The following CRYZ variants were observed in gnomAD, a reference collection of about 807,000 sequenced individuals.
The protein encoded by CRYZ is crystallin zeta.
Under a neutral mutation model 34.1 loss-of-function variants are expected in CRYZ, and 35 were observed. That is an observed-to-expected ratio of 1.03 (90% confidence interval 0.78 to 1.36). The LOEUF is 1.36. Ranked by LOEUF, CRYZ falls within the 40% of genes most tolerant of loss-of-function variation. The probability of loss-of-function intolerance (pLI) is 0.00; values close to 1 mark genes in which losing one functional copy is unlikely to be tolerated. For missense variants in CRYZ, 403 were observed against 391.8 expected (o/e 1.03, Z -0.24); for synonymous variants, 137 against 136.5 (o/e 1.00, Z -0.03).
At chr1:74,720,661 C>A (rs1647147595) in intron 3 of CRYZ, among the ~76,000 whole-genome samples, 1 of 152,094 alleles carries the variant, frequency 6.6e-6, no homozygotes, top group South Asian at 2.1e-4. Flanking sequence ...ATCCAAGAGT[C>A]AAAGACAAGT....
chr1:74,719,322 C>T lies in CRYZ; in HGVS notation c.315G>A (p.Glu105=). The T allele has an allele frequency of 6.2e-7, 1 of 1,613,784 alleles. No homozygotes were observed. Among genetic ancestry groups the T allele is most frequent in the Non-Finnish European group, 8.5e-7 (1 of 1,179,710 alleles). The change falls in exon 4 of 9, where the codon GAG becomes GAA. Residue 105 remains glutamate, a synonymous_variant. Coordinates refer to ENST00000340866, the MANE Select transcript of CRYZ (RefSeq NM_001889.4). ...CAGTGTGGTCTGCTGCAAGAGCATA[C>T]TCTGCATAACCCCCAGAGATCGTGC... ...TSSTISGGYA[E]YALAADHTVY...
intron 1 of CRYZ, among the ~76,000 whole-genome samples, chr1:74,728,852 G>A (rs1476873838): frequency 6.6e-6 from 1 of 152,176 alleles, no homozygotes; most frequent in Admixed American, 6.5e-5. Context: ...GTGGTCCTCG[G>A]GGAAAAACAG....
intron 4 of CRYZ, among the ~76,000 whole-genome samples, chr1:74,718,754 G>A (rs1271377184): frequency 2.1e-5 from 3 of 143,046 alleles, no homozygotes; most frequent in African/African-American, 9.1e-5. Flanking sequence ...CTGACCAGAG[G>A]GTCTGGGGTA....
chr1:74,724,657 A>C (rs1647243003), intron 2 of CRYZ, 54 bp downstream of exon 2: 1 of 1,099,310 alleles, frequency 9.1e-7, no homozygotes. Flanking sequence ...TACAATGTGC[A>C]AGAGACTCAC....
At chr1:74,706,511 T>G in intron 8 of CRYZ, 54 bp from the exon 9 acceptor site, 1 of 1,498,018 alleles carries the variant, frequency 6.7e-7, no homozygotes, top group Non-Finnish European at 9.0e-7. Context: ...GATTTAATTT[T>G]CAGAAGCATT....
chr1:74,719,423 C>G, intron 3 of CRYZ, 51 bp from the exon 4 acceptor site: 1 of 1,511,348 alleles, frequency 6.6e-7, no homozygotes, highest in Non-Finnish European at 9.1e-7. Flanking sequence ...CATATTATGT[C>G]AAAATAGGTA....
In CRYZ at chr1:74,705,535, T is replaced by A. The variant is rs373571916; in HGVS notation, c.*761A>T. The stretch of plus-strand genomic sequence containing the variant: ...ACACATTATTATGTTACGAGACAAA[T>A]GCAGATAATTCTTAATTTATCAAAT... On this transcript the variant is annotated 3_prime_UTR_variant, in exon 9 of 9. Transcript: ENST00000340866. The A allele has an allele frequency of 7.2e-5, 11 of 152,258 alleles. No individual in the cohort carries two copies. The South Asian group carries it at 1.2e-3, about 17-fold the overall frequency. The allele number at this position is 152,258 out of a possible 1,614,324, so 9.4% of individuals were successfully genotyped here.
At chr1:74,727,644 C>CAA (rs1169467605) in intron 1 of CRYZ, among the ~76,000 whole-genome samples, 1,873 of 48,122 alleles carry the variant, frequency 0.039, 191 homozygotes, top group African/African-American at 0.086. Context: ...GACTCTGTCT[C>CAA]AAAAAAAAAA....
intron 2 of CRYZ, among the ~76,000 whole-genome samples, chr1:74,723,875 C>G (rs1319340488): frequency 6.6e-6 from 1 of 152,122 alleles, no homozygotes; most frequent in South Asian, 2.1e-4. Context: ...TGGACTATTG[C>G]AATTTTTAGG....
Position 74,723,208 on chromosome 1 carries a change from A to C in CRYZ, c.174T>G (p.Thr58=), listed in dbSNP as rs1557731243. 12 of 1,613,954 alleles carry C rather than the reference A, an allele frequency of 7.4e-6. No individual in the cohort carries two copies. The highest frequency in any genetic ancestry group is 2.7e-5 in the African/African-American group (2 of 74,942). Residue 58 remains threonine (T), a synonymous_variant, in exon 3 of 9, where the codon ACT becomes ACG. Transcript: ENST00000340866. ...AGGGTAAGAGTGGTTTTCTACTATA[A>C]GTACCAGAGCGAATGTATGTCTCCA... ...NPVETYIRSG[T]YSRKPLLPYT... is the part of the protein sequence containing the mutation.
At position 74,719,641 on chromosome 1, in the gene CRYZ, G is replaced by A. The variant is rs548639007; in HGVS notation, c.265-269C>T. ...CTCCTGAGTAGCTAGGATTACAGGC[G>A]CGCACCACCACACCCGGCTGATTTT... On this transcript the variant is annotated intron_variant, in intron 3 of 8. Coordinates refer to ENST00000340866, the MANE Select transcript of CRYZ (RefSeq NM_001889.4). 1.4e-3 allele frequency among the ~76,000 whole-genome samples: 208 copies of A among 151,696 alleles called. 3 individuals carry two copies. Among genetic ancestry groups the A allele is most frequent in the African/African-American group, 4.4e-3 (180 of 41,374 alleles).
chr1:74,719,078 A>G (rs767212580), intron 4 of CRYZ, 131 bp downstream of exon 4: 6 of 883,660 alleles, frequency 6.8e-6, no homozygotes, highest in Non-Finnish European at 8.7e-6. Context: ...TTTCCATTAT[A>G]TAAATGTTTA....
chr1:74,723,249 A>T lies in CRYZ; in HGVS notation c.133T>A (p.Cys45Ser), dbSNP rs746024082. 1.2e-6 allele frequency: 2 copies of T among 1,611,656 alleles called. No homozygotes were observed. The highest frequency in any genetic ancestry group is 1.7e-6 in the Non-Finnish European group (2 of 1,179,496). ...DHQVLIKVHA[C>S]GVNPVETYIR... ...TATGTCTCCACGGGGTTGACACCAC[A>T]TGCATGGACCTTGATTAGAACCTGC... The change falls in exon 3 of 9, where the codon TGT becomes AGT. Residue 45 changes from cysteine to serine, a missense_variant. Physicochemically the swap from Cys to Ser is moderately radical, Grantham distance 112 (BLOSUM62 -1). Transcript: ENST00000340866.
intron 5 of CRYZ, 119 bp downstream of exon 5, chr1:74,714,460 A>C: frequency 1.1e-6 from 1 of 909,698 alleles, no homozygotes; most frequent in Non-Finnish European, 1.7e-6. Context: ...TACTACATAA[A>C]GAAAAAAAGC....
chr1:74,719,946 A>G lies in CRYZ; in HGVS notation c.265-574T>C, dbSNP rs989864657. Among the ~76,000 whole-genome samples, 4 of 152,094 alleles carry G rather than the reference A, an allele frequency of 2.6e-5. No individual in the cohort carries two copies. In the East Asian group the frequency reaches 7.7e-4, roughly 29 times the overall value. On this transcript the variant is annotated intron_variant, in intron 3 of 8. Coordinates refer to ENST00000340866, the MANE Select transcript of CRYZ (RefSeq NM_001889.4). ...GATGTTGATGGCTCAGTCCATGAAG[A>G]GCTTGCTATACCAGGCACTGCATTA...
In CRYZ at chr1:74,723,234, C is replaced by T. The variant is rs138254201; in HGVS notation, c.148G>A (p.Val50Met). The change falls in exon 3 of 9, where the codon GTG (valine) becomes ATG (methionine). Residue 50 changes from valine (V) to methionine (M), a missense_variant. Coordinates refer to ENST00000340866, the MANE Select transcript of CRYZ (RefSeq NM_001889.4). ...IKVHACGVNP[V>M]ETYIRSGTYS... is the part of the protein sequence containing the mutation. ...GTACCAGAGCGAATGTATGTCTCCACGGGGTTGACACCACATGCATGGACC... is the reference window on the plus strand; with the variant it reads ...GTACCAGAGCGAATGTATGTCTCCATGGGGTTGACACCACATGCATGGACC... 293 of 1,613,850 alleles carry T rather than the reference C, an allele frequency of 1.8e-4. No homozygotes were observed. Among genetic ancestry groups the T allele is most frequent in the Non-Finnish European group, 2.2e-4 (256 of 1,179,924 alleles).
At chr1:74,709,908 ATG>A (rs1226153701) in intron 6 of CRYZ, among the ~76,000 whole-genome samples, 188 bp downstream of exon 6, 2 of 152,144 alleles carry the variant, frequency 1.3e-5, no homozygotes, top group African/African-American at 4.8e-5. Flanking sequence ...CAATACAAAA[ATG>A]ATAGTAAAAG....
chr1:74,728,105 A>C (rs933521132), intron 1 of CRYZ, among the ~76,000 whole-genome samples: 2 of 152,378 alleles, frequency 1.3e-5, no homozygotes, highest in Non-Finnish European at 2.9e-5. Flanking sequence ...GATTTGAAAA[A>C]GAATTCTACA....
chr1:74,714,522 T>C, intron 5 of CRYZ, 57 bp downstream of exon 5: 1 of 1,499,244 alleles, frequency 6.7e-7, no homozygotes, highest in Non-Finnish European at 9.3e-7. Flanking sequence ...AAAGGAACTA[T>C]AATGTGAAAC....
Sources: allele counts gnomAD v4.1 joint callset (sites outside exome capture counted in the v4.1 genomes callset), GRCh38; gene constraint gnomAD v4.1.1; transcripts MANE v1.5; gene names NCBI Gene and HGNC (gene_info 2026-07-23, HGNC 2026-07-21).